Variants in AFG2A observed in about 807,000 individuals in gnomAD.
AFG2A encodes AAA ATPase AFG2A, also known as ATPase family gene 2 protein homolog A.
chr4:123,228,395 A>G, the AFG2A span, among the ~76,000 whole-genome samples: 2 of 151,934 alleles, frequency 1.3e-5, no homozygotes, highest in African/African-American at 4.8e-5. Context: ...AGCACCATTT[A>G]TTAAAGAGGA....
chr4:123,157,352 A>C, the AFG2A span, among the ~76,000 whole-genome samples: 1 of 152,030 alleles, frequency 6.6e-6, no homozygotes, highest in South Asian at 2.1e-4. Context: ...TCATAACCAT[A>C]CACATTTATT....
the AFG2A span, among the ~76,000 whole-genome samples, chr4:123,080,171 C>G: frequency 2.6e-5 from 4 of 152,166 alleles, no homozygotes; most frequent in African/African-American, 9.6e-5. Context: ...AGCGATGAAG[C>G]CTTTGGGAGA....
chr4:123,112,094 G>GTGAATGAATGGCTGGCTGAC, the AFG2A span, among the ~76,000 whole-genome samples: 1 of 152,124 alleles, frequency 6.6e-6, no homozygotes, highest in East Asian at 1.9e-4. Context: ...TATCTATTGA[G>GTGAATGAATGGCTGGCTGAC]TGAATGAATG....
the AFG2A span, chr4:123,256,131 T>C: frequency 3.2e-5 from 51 of 1,614,076 alleles, no homozygotes; most frequent in African/African-American, 5.3e-5. Context: ...AGTAATGAAG[T>C]TGACCTGGAT....
chr4:122,952,498 T>A, the AFG2A span, among the ~76,000 whole-genome samples: 3 of 152,200 alleles, frequency 2.0e-5, no homozygotes, highest in Admixed American at 6.5e-5. Flanking sequence ...ATAGCTGCTT[T>A]GGTGTCACAC....
the AFG2A span, among the ~76,000 whole-genome samples, chr4:123,285,892 T>C: frequency 6.6e-5 from 10 of 152,290 alleles, no homozygotes; most frequent in African/African-American, 2.4e-4. Context: ...GTAACTTATG[T>C]GAAGGCAGAG....
the AFG2A span, among the ~76,000 whole-genome samples, chr4:123,204,304 C>T: frequency 6.6e-6 from 1 of 152,138 alleles, no homozygotes; most frequent in Non-Finnish European, 1.5e-5. Flanking sequence ...TTAGAAACTA[C>T]CAAACTATCT....
At chr4:123,230,095 T>C in the AFG2A span, among the ~76,000 whole-genome samples, 8 of 152,074 alleles carry the variant, frequency 5.3e-5, no homozygotes, top group East Asian at 7.7e-4. Context: ...AGGGTGGTGG[T>C]TGCTGAAGGT....
chr4:123,100,666 G>A, the AFG2A span, among the ~76,000 whole-genome samples: 3 of 151,836 alleles, frequency 2.0e-5, no homozygotes, highest in South Asian at 4.1e-4. Context: ...TAGCTTTGTT[G>A]TCAGCTGCAC....
At chr4:123,301,726 A>AT in the AFG2A span, among the ~76,000 whole-genome samples, 14 of 152,114 alleles carry the variant, frequency 9.2e-5, no homozygotes, top group Admixed American at 5.9e-4. Flanking sequence ...TTGTCAAGTC[A>AT]TTTTTTCCCC....
chr4:123,150,237 C>T, the AFG2A span, among the ~76,000 whole-genome samples: 1,058 of 152,276 alleles, frequency 6.9e-3, 7 homozygotes, highest in African/African-American at 0.023. Context: ...CCCTCTCTCA[C>T]CACTCCTGTT....
the AFG2A span, among the ~76,000 whole-genome samples, chr4:123,076,589 C>G: frequency 7.0e-6 from 1 of 143,102 alleles, no homozygotes; most frequent in African/African-American, 2.6e-5. Flanking sequence ...GTGAGTCAGT[C>G]TCTTAGCCTT....
At chr4:123,279,652 G>T in the AFG2A span, among the ~76,000 whole-genome samples, 46 of 152,106 alleles carry the variant, frequency 3.0e-4, no homozygotes, top group South Asian at 7.0e-3. Context: ...CCTATAGAAA[G>T]CACTTGTACA....
the AFG2A span, among the ~76,000 whole-genome samples, chr4:123,070,548 A>G: frequency 1.3e-5 from 2 of 152,130 alleles, no homozygotes; most frequent in African/African-American, 4.8e-5. Context: ...CTGTGTCCTC[A>G]CGTAGTGAAA....
the AFG2A span, among the ~76,000 whole-genome samples, chr4:123,238,830 ATGACTT>A: frequency 6.6e-6 from 1 of 152,212 alleles, no homozygotes; most frequent in Non-Finnish European, 1.5e-5. Context: ...TGGATGGAGA[ATGACTT>A]TGACGAGCTG....
At chr4:122,975,266 A>G in the AFG2A span, among the ~76,000 whole-genome samples, 2 of 150,998 alleles carry the variant, frequency 1.3e-5, no homozygotes, top group East Asian at 1.9e-4. Flanking sequence ...GTGTCCTCAC[A>G]TAGCAGAAGG....
At chr4:123,215,854 T>C in the AFG2A span, among the ~76,000 whole-genome samples, 3 of 152,290 alleles carry the variant, frequency 2.0e-5, no homozygotes, top group East Asian at 3.9e-4. Flanking sequence ...GCTTTACTAA[T>C]ACGAAAGGTA....
At chr4:122,929,377 A>G in the AFG2A span, among the ~76,000 whole-genome samples, 3 of 152,314 alleles carry the variant, frequency 2.0e-5, no homozygotes, top group Non-Finnish European at 2.9e-5. Context: ...ATAAAAATGT[A>G]TTTTAACATG....
At chr4:123,060,828 T>C in the AFG2A span, among the ~76,000 whole-genome samples, 1 of 152,220 alleles carries the variant, frequency 6.6e-6, no homozygotes, top group African/African-American at 2.4e-5. Context: ...TTTTCTTTTC[T>C]ACTGTATCTT....
Sources: allele counts gnomAD v4.1 joint callset (sites outside exome capture counted in the v4.1 genomes callset), GRCh38; gene constraint gnomAD v4.1.1; transcripts MANE v1.5; gene names NCBI Gene and HGNC (gene_info 2026-07-23, HGNC 2026-07-21).